Variants in SYTL4 observed in about 807,000 individuals in gnomAD.
The protein encoded by SYTL4 is synaptotagmin-like protein 4.
In SYTL4, 16 loss-of-function variants were observed where a neutral mutation model predicts 52.7. The ratio of observed to expected loss-of-function variants is 0.30; its 90% CI spans 0.21 to 0.46. The LOEUF is 0.46. Ranked by LOEUF, SYTL4 falls within the 20% of genes least tolerant of loss-of-function variation. The pLI, the probability that SYTL4 is intolerant of heterozygous loss-of-function variation, is 1.00. For missense variants in SYTL4, 423 were observed against 519.9 expected (o/e 0.81, Z 1.81); for synonymous variants, 160 against 186.6 (o/e 0.86, Z 1.16).
chrX:100,696,760 C>T (rs988700431), intron 8 of SYTL4, among the ~76,000 whole-genome samples: 2 of 111,457 alleles, frequency 1.8e-5, no homozygotes, highest in Non-Finnish European at 3.8e-5. Context: ...CAACTATTAA[C>T]GATAATTATC....
At chrX:100,692,652 AG>A (rs1176977357) in intron 8 of SYTL4, among the ~76,000 whole-genome samples, 2 of 111,206 alleles carry the variant, frequency 1.8e-5, no homozygotes, top group Non-Finnish European at 3.8e-5. Context: ...CAGCAGGAAA[AG>A]GGGGAAAAAA....
intron 16 of SYTL4, among the ~76,000 whole-genome samples, chrX:100,682,489 C>A (rs1173071250): frequency 9.1e-6 from 1 of 110,256 alleles, no homozygotes; most frequent in Non-Finnish European, 1.9e-5. Context: ...TGGGCAAATG[C>A]TTGAGTCCAG....
chrX:100,728,386 GCA>G (rs1239086033), intron 2 of SYTL4, among the ~76,000 whole-genome samples: 1 of 111,878 alleles, frequency 8.9e-6, no homozygotes, highest in Non-Finnish European at 1.9e-5. Context: ...TCTCCAGACT[GCA>G]CAGTCATCCT....
chrX:100,689,102 A>C (rs1304305430), intron 12 of SYTL4, among the ~76,000 whole-genome samples: 1 of 107,459 alleles, frequency 9.3e-6, no homozygotes, highest in African/African-American at 3.4e-5. Flanking sequence ...GTCAGGCGTG[A>C]TGGCTCATGC....
rs559628938 is a variant in SYTL4, at chrX:100,683,133, A to ATTTTTTTTTT, written c.1450-1808_1450-1799dup. 3.7e-5 allele frequency among the ~76,000 whole-genome samples: 2 copies of ATTTTTTTTTT among 53,972 alleles called. 1 individual carries two copies. Among genetic ancestry groups the ATTTTTTTTTT allele is most frequent in the Non-Finnish European group, 6.5e-5 (2 of 30,977 alleles). The allele number at this position is 53,972 out of a possible 115,157, so 46.9% of individuals were successfully genotyped here. A position where few individuals can be genotyped will look rare whatever the true frequency, so the allele number is the denominator to read the frequency against. On this transcript the variant is annotated intron_variant, in intron 16 of 19. Transcript: ENST00000372989. ...TAGAGGTGCCCTTTCACCTGCCTGT[A>ATTTTTTTTTT]TTTTTTTTTTTTTTTTTTTTTTTTT...
At chrX:100,677,195 C>T (rs1419223628) in intron 19 of SYTL4, among the ~76,000 whole-genome samples, 1 of 112,070 alleles carries the variant, frequency 8.9e-6, no homozygotes, top group Non-Finnish European at 1.9e-5. Context: ...AAGAACCAGA[C>T]TTTCCATTCA....
rs146025882 is a variant in SYTL4, at chrX:100,731,744, C to T, written c.-327-239G>A. On this transcript the variant is annotated intron_variant, in intron 1 of 19. Transcript: ENST00000372989. ...GTCAGGGAAGGGGCCAGAAGAAGCC[C>T]TGGAGAAAGAAAAGTGGCCGGGAGG... is the stretch of plus-strand genomic sequence containing the variant. Among the ~76,000 whole-genome samples, 655 of 111,914 alleles carry T rather than the reference C, an allele frequency of 5.9e-3. 4 individuals carry two copies. The highest frequency in any genetic ancestry group is 0.021 in the African/African-American group (633 of 30,859).
chrX:100,676,641 C>T (rs938137570), intron 19 of SYTL4, among the ~76,000 whole-genome samples: 5 of 111,087 alleles, frequency 4.5e-5, no homozygotes, highest in African/African-American at 1.6e-4. Context: ...TGCGCCACCA[C>T]GCCCAGCTAA....
chrX:100,689,779 A>G, intron 12 of SYTL4, 77 bp downstream of exon 12: 1 of 588,791 alleles, frequency 1.7e-6, no homozygotes. Context: ...AGGTTGACTG[A>G]GAATATCAGG....
At chrX:100,725,607 T>C (rs754901017) in intron 2 of SYTL4, among the ~76,000 whole-genome samples, 1 of 112,514 alleles carries the variant, frequency 8.9e-6, no homozygotes, top group Non-Finnish European at 1.9e-5. Flanking sequence ...CTTATCACAA[T>C]TGTAATTAAA....
chrX:100,676,724 A>C (rs1192737057), intron 19 of SYTL4, among the ~76,000 whole-genome samples: 1 of 111,217 alleles, frequency 9.0e-6, no homozygotes, highest in Admixed American at 9.6e-5. Flanking sequence ...TGACCTCGTG[A>C]TCTGCCTGCC....
At chrX:100,725,393 A>G (rs1432319387) in intron 2 of SYTL4, among the ~76,000 whole-genome samples, 1 of 112,328 alleles carries the variant, frequency 8.9e-6, no homozygotes, top group Non-Finnish European at 1.9e-5. Context: ...AATACACATC[A>G]AAAAGAAAAA....
chrX:100,700,764 T>C (rs2083832313), intron 8 of SYTL4, 133 bp downstream of exon 8: 1 of 506,244 alleles, frequency 2.0e-6, no homozygotes, highest in Admixed American at 3.4e-5. Flanking sequence ...TTCCCTCCTT[T>C]ACTATTTTCT....
intron 17 of SYTL4, 52 bp from the exon 18 acceptor site, chrX:100,679,464 T>C (rs1185548710): frequency 1.0e-6 from 1 of 995,233 alleles, no homozygotes; most frequent in Admixed American, 2.3e-5. Flanking sequence ...TCTAGATTTA[T>C]CTTGAGCTTT....
intron 2 of SYTL4, among the ~76,000 whole-genome samples, chrX:100,716,406 C>G (rs1300029962): frequency 1.1e-5 from 1 of 87,040 alleles, no homozygotes; most frequent in African/African-American, 4.9e-5. Context: ...GCTGAGATCA[C>G]ACCACTGCAC....
chrX:100,725,077 G>C (rs1409172490), intron 2 of SYTL4, among the ~76,000 whole-genome samples: 1 of 111,009 alleles, frequency 9.0e-6, no homozygotes, highest in East Asian at 2.8e-4. Flanking sequence ...CTGGAGAGTG[G>C]GATAAGCAGG....
chrX:100,681,237 G>A lies in SYTL4; in HGVS notation c.1548C>T (p.Asp516=). ...CCAAAGAAAACTCACTCTTTTTCCG[G>A]TCACCTCCAACAGGGGTTTTGGAGG... ...IPASKTPVGG[D]RKKSKGGEGG... is the part of the protein sequence containing the mutation. The change falls in exon 17 of 20, where the codon GAC becomes GAT. Residue 516 remains aspartate (D), a synonymous_variant. Transcript: ENST00000372989. 1 of 1,207,946 alleles carries A rather than the reference G, an allele frequency of 8.3e-7. No individual in the cohort carries two copies.
In SYTL4 at chrX:100,691,121, C is replaced by A. The variant is rs1185896796; in HGVS notation, c.628G>T (p.Asp210Tyr). The change falls in exon 9 of 20, where the codon GAT becomes TAT. Residue 210 changes from aspartate to tyrosine, a missense_variant. Transcript: ENST00000372989. ...GGGGAACCCCACCTGGAGGTGCTAT[C>A]CGAGTCAGCTGTGAAGCTATCCAGA... ...ESLDSFTADSDSTSRRDSLDK... is the reference protein window; with the variant it reads ...ESLDSFTADSYSTSRRDSLDK... The A allele has an allele frequency of 8.3e-7, 1 of 1,203,042 alleles. No individual in the cohort carries two copies. Among genetic ancestry groups the A allele is most frequent in the African/African-American group, 1.7e-5 (1 of 57,252 alleles).
At chrX:100,703,755 T>A (rs185169090) in intron 3 of SYTL4, among the ~76,000 whole-genome samples, 1 of 112,562 alleles carries the variant, frequency 8.9e-6, no homozygotes, top group African/African-American at 3.2e-5. Flanking sequence ...TGGAACATTA[T>A]GTCGCCATTA....
Sources: allele counts gnomAD v4.1 joint callset (sites outside exome capture counted in the v4.1 genomes callset), GRCh38; gene constraint gnomAD v4.1.1; transcripts MANE v1.5; gene names NCBI Gene and HGNC (gene_info 2026-07-23, HGNC 2026-07-21).